GRAMD1B: variants seen among roughly 807,000 people sequenced by gnomAD.
GRAMD1B encodes GRAM domain containing 1B, also known as protein Aster-B.
In GRAMD1B, 37 loss-of-function variants were observed where a neutral mutation model predicts 99.7. The observed-to-expected ratio is 0.37, with a 90% confidence interval of 0.29 to 0.49. The LOEUF (loss-of-function observed/expected upper bound fraction) is 0.49, where lower values mean the gene tolerates loss of function less well. Among genes scored for constraint, GRAMD1B ranks in the 20% least tolerant of loss-of-function variants. The pLI is 0.98. For synonymous variants in GRAMD1B, 427 were observed against 387.6 expected (o/e 1.10, Z -1.19); for missense variants, 888 against 1,009.2 (o/e 0.88, Z 1.63).
chr11:123,548,349 C>CACACACACACACAT (rs1184195342), intron 2 of GRAMD1B, among the ~76,000 whole-genome samples: 15 of 107,760 alleles, frequency 1.4e-4, no homozygotes, highest in African/African-American at 3.7e-4. Flanking sequence ...CACACACACA[C>CACACACACACACAT]ATATATATAT....
At chr11:123,361,886 T>C (rs150363030) in intron 1 of GRAMD1B, among the ~76,000 whole-genome samples, 11 of 152,312 alleles carry the variant, frequency 7.2e-5, no homozygotes, top group African/African-American at 2.4e-4. Context: ...AGAAAGTATC[T>C]TAGGAAACGG....
intron 2 of GRAMD1B, among the ~76,000 whole-genome samples, chr11:123,565,564 T>C (rs1947271292): frequency 6.6e-6 from 1 of 152,256 alleles, no homozygotes; most frequent in Admixed American, 6.5e-5. Context: ...TTTGGACAGA[T>C]AATGATCGCT....
rs747461868 is a variant in GRAMD1B at position 123,584,263 on chromosome 11, C to A, written c.664-49C>A. On this transcript the variant is annotated intron_variant, in intron 3 of 19. Coordinates refer to ENST00000635736, the MANE Select transcript of GRAMD1B (RefSeq NM_001387025.1). ...TGCCCTTCCCCCTGGCCCTTCCCCCCATTTCTTCCCTGACTAATTCTACCT... is the reference window on the plus strand; with the variant it reads ...TGCCCTTCCCCCTGGCCCTTCCCCCAATTTCTTCCCTGACTAATTCTACCT... The A allele has an allele frequency of 5.7e-6, 5 of 882,136 alleles. 1 individual carries two copies. Among genetic ancestry groups the A allele is most frequent in the East Asian group, 8.9e-5 (2 of 22,530 alleles). The allele number at this position is 882,136 out of a possible 1,614,324, so 54.6% of individuals were successfully genotyped here.
At chr11:123,370,376 T>A (rs1045270567) in intron 1 of GRAMD1B, among the ~76,000 whole-genome samples, 26 of 142,630 alleles carry the variant, frequency 1.8e-4, no homozygotes, top group Middle Eastern at 7.4e-3. Flanking sequence ...ATTCTCACTC[T>A]GTCGCCCAGG....
chr11:123,495,681 T>C (rs1033064190), intron 2 of GRAMD1B, among the ~76,000 whole-genome samples: 8 of 151,008 alleles, frequency 5.3e-5, no homozygotes, highest in South Asian at 2.1e-4. Context: ...TCTTCTTCTT[T>C]TTTTTTTTTT....
intron 1 of GRAMD1B, among the ~76,000 whole-genome samples, chr11:123,399,600 T>C (rs1382312761): frequency 7.1e-6 from 1 of 140,492 alleles, no homozygotes; most frequent in African/African-American, 2.7e-5. Flanking sequence ...TACCAACACT[T>C]ACCTTTTGTA....
Position 123,577,448 on chromosome 11 carries a change from C to T in GRAMD1B, c.534C>T (p.Asn178=), listed in dbSNP as rs971793495. ...RKRSRSPTPQ[N]QDGDTMVEKG... ...GGTCTCGCTCGCCAACCCCGCAGAA[C>T]CAGGACGGAGACACCATGGTGGAGA... The change falls in exon 3 of 20, where the codon AAC becomes AAT. Residue 178 remains asparagine, a synonymous_variant. Coordinates refer to ENST00000635736, the MANE Select transcript of GRAMD1B (RefSeq NM_001387025.1). 3.7e-6 allele frequency: 6 copies of T among 1,603,862 alleles called. No individual in the cohort carries two copies. Among genetic ancestry groups the T allele is most frequent in the African/African-American group, 1.3e-5 (1 of 74,700 alleles).
intron 1 of GRAMD1B, among the ~76,000 whole-genome samples, chr11:123,420,451 G>T (rs529382197): frequency 2.0e-5 from 3 of 152,300 alleles, no homozygotes; most frequent in African/African-American, 7.2e-5. Context: ...GCCATGAAAA[G>T]AATATGTTGC....
chr11:123,521,888 C>A (rs1482267818), intron 2 of GRAMD1B, among the ~76,000 whole-genome samples: 1 of 152,208 alleles, frequency 6.6e-6, no homozygotes. Flanking sequence ...TCACTATTTT[C>A]TGCCATCACT....
chr11:123,402,332 G>A (rs1370173441), intron 1 of GRAMD1B, among the ~76,000 whole-genome samples: 4 of 152,114 alleles, frequency 2.6e-5, no homozygotes, highest in African/African-American at 9.7e-5. Context: ...CCATGTTCTT[G>A]CATTCTGCTT....
Position 123,497,050 on chromosome 11 carries a change from G to A in GRAMD1B, c.452+16157G>A, listed in dbSNP as rs185114786. ...TGGTGTCTGTGCATTGAAGAGTTAGGCATTTATTGTAGTCTTCACAGTCTT... is the reference window on the plus strand; with the variant it reads ...TGGTGTCTGTGCATTGAAGAGTTAGACATTTATTGTAGTCTTCACAGTCTT... On this transcript the variant is annotated intron_variant, in intron 2 of 19. Transcript: ENST00000635736. Among the ~76,000 whole-genome samples the A allele has an allele frequency of 2.3e-3, 357 of 152,180 alleles. 1 individual carries two copies. Among genetic ancestry groups the A allele is most frequent in the Non-Finnish European group, 3.9e-3 (266 of 68,016 alleles).
intron 16 of GRAMD1B, 37 bp from the exon 17 acceptor site, chr11:123,614,708 G>T (rs767884973): frequency 7.7e-7 from 1 of 1,299,490 alleles, no homozygotes; most frequent in Admixed American, 1.7e-5. Flanking sequence ...GGACTTGTGG[G>T]TCACCATGGT....
chr11:123,578,458 T>G, intron 3 of GRAMD1B: 1 of 1,493,138 alleles, frequency 6.7e-7, no homozygotes. Flanking sequence ...TCTGTCCTTT[T>G]ATCTCCCCTC....
intron 2 of GRAMD1B, among the ~76,000 whole-genome samples, chr11:123,564,114 C>T (rs1947098111): frequency 1.3e-5 from 2 of 152,174 alleles, no homozygotes; most frequent in South Asian, 4.1e-4. Context: ...ACAACTTCTC[C>T]CCCACCTGCA....
At chr11:123,539,389 C>T (rs1051047752) in intron 2 of GRAMD1B, among the ~76,000 whole-genome samples, 3 of 152,002 alleles carry the variant, frequency 2.0e-5, no homozygotes, top group Non-Finnish European at 4.4e-5. Flanking sequence ...ATTGCTTGAA[C>T]CCATGAGTTC....
intron 2 of GRAMD1B, among the ~76,000 whole-genome samples, chr11:123,525,302 G>T (rs1042537218): frequency 1.3e-5 from 2 of 152,192 alleles, no homozygotes; most frequent in African/African-American, 4.8e-5. Flanking sequence ...GCCTTGCGGG[G>T]TGAGGGTTCT....
chr11:123,625,172 G>A lies in GRAMD1B; in HGVS notation c.*2577G>A, dbSNP rs1398055304. 6.6e-6 allele frequency: 1 copy of A among 152,214 alleles called. No individual in the cohort carries two copies. The highest frequency in any genetic ancestry group is 1.5e-5 in the Non-Finnish European group (1 of 68,042). 9.4% of individuals were successfully genotyped at this position (152,214 alleles called of 1,614,324 possible). Reference sequence around the variant, plus strand: ...CTCACCCTTGCAGATAAGTCTTGGAGTGAAACAAATAAATAGCATTGTATT... The same window carrying A: ...CTCACCCTTGCAGATAAGTCTTGGAATGAAACAAATAAATAGCATTGTATT... On this transcript the variant is annotated 3_prime_UTR_variant, in exon 20 of 20. Transcript: ENST00000635736.
chr11:123,553,322 A>G (rs1239795368), intron 2 of GRAMD1B, among the ~76,000 whole-genome samples: 4 of 86,198 alleles, frequency 4.6e-5, no homozygotes. Context: ...ATTGGTGTGC[A>G]TGGTGAAATG....
Position 123,606,642 on chromosome 11 carries a change from G to A in GRAMD1B, c.1357G>A (p.Glu453Lys), listed in dbSNP as rs1325291798. ...GCTGCCCCTGGAGGAAGAGGCGCTG[G>A]AGGGAGACGGGTCCCTGGAAAAGGA... ...DGLPLEEEALEGDGSLEKELA... is the reference protein window; with the variant it reads ...DGLPLEEEALKGDGSLEKELA... The change falls in exon 11 of 20, where the codon GAG becomes AAG. Residue 453 changes from glutamate (E) to lysine (K), a missense_variant. By Grantham distance (56) the Glu-to-Lys change is moderately conservative. Transcript: ENST00000635736. The A allele has an allele frequency of 9.3e-6, 15 of 1,612,634 alleles. No individual in the cohort carries two copies. The Admixed American group carries it at 2.3e-4, about 25-fold the overall frequency.
Sources: gnomAD v4.1 joint callset for allele counts (sites outside exome capture counted in the v4.1 genomes callset) on GRCh38, gnomAD v4.1.1 for gene constraint, MANE v1.5 for transcripts, NCBI Gene and HGNC (gene_info 2026-07-23, HGNC 2026-07-21) for gene names.